CHSY3: variants seen among roughly 807,000 people sequenced by gnomAD.
CHSY3 encodes the protein N-acetylgalactosaminyl-proteoglycan 3-beta-glucuronosyltransferase 3.
A neutral mutation model predicts 67.2 loss-of-function variants in CHSY3; 35 were observed. That is an observed-to-expected ratio of 0.52 (90% CI 0.40 to 0.69). The LOEUF (loss-of-function observed/expected upper bound fraction) is 0.69. Among genes scored for constraint, CHSY3 ranks in the 30% least tolerant of loss-of-function variants. CHSY3 has a pLI of 0.00. For missense variants in CHSY3, 1,069 were observed against 1,138.5 expected (o/e 0.94, Z 0.88); for synonymous variants, 474 against 434.7 (o/e 1.09, Z -1.12).
At chr5:129,979,807 T>C (rs1323008843) in intron 2 of CHSY3, among the ~76,000 whole-genome samples, 1 of 152,192 alleles carries the variant, frequency 6.6e-6, no homozygotes, top group Non-Finnish European at 1.5e-5. Flanking sequence ...GTTTCCATAG[T>C]TTAGCCTTTT....
chr5:130,044,281 C>T (rs1176276903), intron 2 of CHSY3, among the ~76,000 whole-genome samples: 3 of 151,920 alleles, frequency 2.0e-5, no homozygotes, highest in Non-Finnish European at 2.9e-5. Flanking sequence ...ACCAAGAGAG[C>T]GGAGTGTTTC....
intron 2 of CHSY3, among the ~76,000 whole-genome samples, chr5:130,037,970 A>G (rs1764907814): frequency 2.0e-5 from 3 of 152,082 alleles, no homozygotes; most frequent in Admixed American, 6.6e-5. Flanking sequence ...GTGCTGTTTG[A>G]CCATTAAAAA....
intron 2 of CHSY3, among the ~76,000 whole-genome samples, chr5:130,175,555 T>G (rs545038651): frequency 1.3e-5 from 2 of 152,150 alleles, no homozygotes; most frequent in East Asian, 3.9e-4. Flanking sequence ...CCAAGACAAT[T>G]CTAAGCAAAA....
intron 2 of CHSY3, among the ~76,000 whole-genome samples, chr5:130,000,836 C>G (rs763654369): frequency 1.4e-5 from 2 of 139,248 alleles, no homozygotes; most frequent in Admixed American, 7.7e-5. Context: ...CTTGACCTCC[C>G]AAAGTGCTGG....
rs1763723511 is a variant in CHSY3 at position 130,001,377 on chromosome 5, CTCT to C, written c.1086+93024_1086+93026del. ...CATTTTAAAATTCTTCTTCCTCCTACTCTTCTTCTCCTTTTCCTCCAGAGTTAG... is the reference window on the plus strand; with the variant it reads ...CATTTTAAAATTCTTCTTCCTCCTACTCTTCTCCTTTTCCTCCAGAGTTAG... On this transcript the variant is annotated intron_variant, in intron 2 of 2. Coordinates refer to ENST00000305031, the MANE Select transcript of CHSY3 (RefSeq NM_175856.5). 11 of 894,378 alleles carry C rather than the reference CTCT, an allele frequency of 1.2e-5. No individual in the cohort carries two copies. In the South Asian group the frequency reaches 2.1e-4, roughly 17 times the overall value. The allele number at this position is 894,378 out of a possible 1,614,324, so 55.4% of individuals were successfully genotyped here. A position where few individuals can be genotyped will look rare whatever the true frequency, so the allele number is the denominator to read the frequency against.
chr5:130,061,191 A>G (rs770677762), intron 2 of CHSY3, among the ~76,000 whole-genome samples: 2 of 152,178 alleles, frequency 1.3e-5, no homozygotes, highest in Non-Finnish European at 2.9e-5. Context: ...CTAAAATAGC[A>G]TGATACTGGT....
intron 2 of CHSY3, among the ~76,000 whole-genome samples, chr5:130,084,109 T>A (rs1038699393): frequency 6.6e-6 from 1 of 152,034 alleles, no homozygotes; most frequent in Non-Finnish European, 1.5e-5. Flanking sequence ...TTTCATTGTC[T>A]CCTTAGGTAA....
intron 2 of CHSY3, among the ~76,000 whole-genome samples, chr5:129,976,822 G>C (rs2149618420): frequency 6.6e-6 from 1 of 151,680 alleles, no homozygotes; most frequent in South Asian, 2.1e-4. Context: ...GGCTCTGTCT[G>C]GGGGGTTCAC....
rs549623395 is a variant in CHSY3 at position 129,979,187 on chromosome 5, G to C, written c.1086+70827G>C. On this transcript the variant is annotated intron_variant, in intron 2 of 2. Coordinates refer to ENST00000305031, the MANE Select transcript of CHSY3 (RefSeq NM_175856.5). Reference sequence around the variant, plus strand: ...TGCACTCCAGCCTGGGTGAGACAGCGAGACTCCGTCTCAAAAAAAAAAAAA... The same window carrying C: ...TGCACTCCAGCCTGGGTGAGACAGCCAGACTCCGTCTCAAAAAAAAAAAAA... Among the ~76,000 whole-genome samples, 91 of 109,372 alleles carry C rather than the reference G, an allele frequency of 8.3e-4. No homozygotes were observed. In the South Asian group the frequency reaches 0.013, roughly 16 times the overall value. 71.8% of individuals were successfully genotyped at this position (109,372 alleles called of 152,430 possible).
chr5:130,124,204 T>C (rs1768176657), intron 2 of CHSY3, among the ~76,000 whole-genome samples: 1 of 152,132 alleles, frequency 6.6e-6, no homozygotes, highest in Non-Finnish European at 1.5e-5. Flanking sequence ...ATGTGAGCCG[T>C]GGTTGCAGGA....
intron 2 of CHSY3, among the ~76,000 whole-genome samples, chr5:130,035,622 C>A (rs1371848488): frequency 6.6e-6 from 1 of 152,080 alleles, no homozygotes; most frequent in African/African-American, 2.4e-5. Flanking sequence ...AATGAGCCAA[C>A]CTCTGTTAGC....
intron 2 of CHSY3, among the ~76,000 whole-genome samples, chr5:130,161,204 G>T (rs370291026): frequency 6.6e-6 from 1 of 151,932 alleles, no homozygotes; most frequent in Non-Finnish European, 1.5e-5. Context: ...ACGACCAGCC[G>T]ATAGGTAATT....
chr5:130,058,906 C>A (rs772805726), intron 2 of CHSY3, among the ~76,000 whole-genome samples: 10 of 152,182 alleles, frequency 6.6e-5, no homozygotes, highest in Non-Finnish European at 1.5e-4. Context: ...GTCCACCTCC[C>A]TTTGCTTTAT....
chr5:129,994,782 C>A (rs190264196), intron 2 of CHSY3, among the ~76,000 whole-genome samples: 3,874 of 150,948 alleles, frequency 0.026, 172 homozygotes, highest in African/African-American at 0.088. Context: ...TCATTCTCAG[C>A]AAACTATCGC....
At chr5:130,146,996 G>A (rs1769093969) in intron 2 of CHSY3, among the ~76,000 whole-genome samples, 2 of 152,052 alleles carry the variant, frequency 1.3e-5, no homozygotes, top group South Asian at 4.1e-4. Context: ...GTTTCACCAC[G>A]TTGGCCTGGC....
rs374449536 is a variant in CHSY3, at chr5:129,960,118, C to T, written c.1086+51758C>T. 3.9e-5 allele frequency among the ~76,000 whole-genome samples: 6 copies of T among 152,016 alleles called. No homozygotes were observed. The East Asian group carries it at 5.8e-4, about 15-fold the overall frequency. On this transcript the variant is annotated intron_variant, in intron 2 of 2. Transcript: ENST00000305031. ...CCTTAAGAAAGCTTCTTTCCATTCC[C>T]GGCACACTTAGCACATCTTCCTATC...
intron 2 of CHSY3, among the ~76,000 whole-genome samples, chr5:130,122,522 G>A (rs1377320326): frequency 1.3e-5 from 2 of 152,218 alleles, no homozygotes; most frequent in Non-Finnish European, 2.9e-5. Context: ...CACAAAGGCG[G>A]CACTCAGCTT....
At chr5:130,123,382 G>A (rs909531449) in intron 2 of CHSY3, among the ~76,000 whole-genome samples, 1 of 152,138 alleles carries the variant, frequency 6.6e-6, no homozygotes, top group Non-Finnish European at 1.5e-5. Flanking sequence ...GGACCAGTAG[G>A]GGAGATGGTT....
intron 2 of CHSY3, among the ~76,000 whole-genome samples, chr5:130,106,962 TG>T (rs1767429552): frequency 6.6e-6 from 1 of 151,564 alleles, no homozygotes; most frequent in African/African-American, 2.4e-5. Context: ...TGTTATGCTT[TG>T]AAGAGTTGAG....
Sources: gnomAD v4.1 joint callset for allele counts (sites outside exome capture counted in the v4.1 genomes callset) on GRCh38, gnomAD v4.1.1 for gene constraint, MANE v1.5 for transcripts, NCBI Gene and HGNC (gene_info 2026-07-23, HGNC 2026-07-21) for gene names.